BCAS3: variants seen among roughly 807,000 people sequenced by gnomAD.
BCAS3 encodes BCAS4/BCAS3 fusion.
In BCAS3, 53 loss-of-function variants were observed where a neutral mutation model predicts 116.1. The ratio of observed to expected loss-of-function variants is 0.46; its 90% confidence interval spans 0.37 to 0.57. The LOEUF (loss-of-function observed/expected upper bound fraction) is 0.57, where lower values mean the gene tolerates loss of function less well. BCAS3 is among the 20% of genes least tolerant of loss of function. The probability of loss-of-function intolerance (pLI) is 0.00; values close to 1 mark genes in which losing one functional copy is unlikely to be tolerated. For synonymous variants in BCAS3, 391 were observed against 408.2 expected, an observed-to-expected ratio of 0.96 and a Z score of 0.51; for missense variants, 917 against 1,165.4, an observed-to-expected ratio of 0.79 and a Z score of 3.10.
chr17:61,229,039 C>T lies in BCAS3; in HGVS notation c.2426-139288C>T, dbSNP rs141865341. Among the ~76,000 whole-genome samples the T allele has an allele frequency of 7.9e-4, 120 of 152,300 alleles. 1 individual carries two copies. Among genetic ancestry groups the T allele is most frequent in the African/African-American group, 2.8e-3 (115 of 41,566 alleles). ...AGAAGAAAGTAAAACAGCCTTGCTT[C>T]TGAGATGGAGAAAGTTTTAGTTGTC... On this transcript the variant is annotated intron_variant, in intron 22 of 23. Coordinates refer to ENST00000407086, the MANE Select transcript of BCAS3 (RefSeq NM_017679.5). The surrounding 1 kb of genome is among the most constrained non-coding windows in gnomAD (Gnocchi z 4.4).
chr17:61,292,705 G>A (rs1478917203), intron 22 of BCAS3, among the ~76,000 whole-genome samples: 1 of 152,138 alleles, frequency 6.6e-6, no homozygotes, highest in African/African-American at 2.4e-5. Flanking sequence ...TTGGGGGTCA[G>A]GCAGGTGTGG....
intron 9 of BCAS3, among the ~76,000 whole-genome samples, chr17:60,881,691 T>G (rs1446268156): frequency 6.7e-6 from 1 of 149,670 alleles, no homozygotes; most frequent in East Asian, 2.0e-4. Context: ...ATATGCGGTG[T>G]TTGGTTTTTT....
At chr17:61,351,856 C>T (rs1184410491) in intron 22 of BCAS3, among the ~76,000 whole-genome samples, 2 of 152,172 alleles carry the variant, frequency 1.3e-5, no homozygotes, top group African/African-American at 2.4e-5. Context: ...GGTTCATCCT[C>T]CACCACTCGT....
Position 61,362,672 on chromosome 17 carries a change from C to T in BCAS3, c.2426-5655C>T, listed in dbSNP as rs376742925. On this transcript the variant is annotated intron_variant, in intron 22 of 23. Transcript: ENST00000407086. This position sits in a 1 kb window ranked among gnomAD's most constrained non-coding sequence, Gnocchi z 4.4. ...AAACCCAAGAACCTGACCCATTTCT[C>T]CTCTGGGGAAAGAGTATAACACAGG... 3.3e-5 allele frequency: 5 copies of T among 152,344 alleles called. No individual in the cohort carries two copies. The South Asian group carries it at 8.3e-4, about 25-fold the overall frequency. 9.4% of individuals were successfully genotyped at this position (152,344 alleles called of 1,614,324 possible).
In BCAS3 at chr17:61,265,740, C is replaced by T. The variant is rs958601836; in HGVS notation, c.2426-102587C>T. On this transcript the variant is annotated intron_variant, in intron 22 of 23. Transcript: ENST00000407086. The surrounding 1 kb of genome is among the most constrained non-coding windows in gnomAD (Gnocchi z 4.3). ...TATATCTGCCAGGGTTTGTGTGTGT[C>T]ATACTGTCCTGGACTCTGTATAGCA... 6.6e-6 allele frequency among the ~76,000 whole-genome samples: 1 copy of T among 152,018 alleles called. No individual in the cohort carries two copies. Among genetic ancestry groups the T allele is most frequent in the African/African-American group, 2.4e-5 (1 of 41,392 alleles).
chr17:61,190,269 T>C (rs1204446087), intron 22 of BCAS3, among the ~76,000 whole-genome samples: 2 of 152,090 alleles, frequency 1.3e-5, no homozygotes, highest in Non-Finnish European at 2.9e-5. Context: ...CTCACCCCTG[T>C]AATCCTAGCA....
rs960676960 is a variant in BCAS3, at chr17:61,156,926, A to C, written c.2425+72362A>C. Reference sequence around the variant, plus strand: ...TCCTTTGAAACAACACTTAAAAAAAACAAATTCTACAACATTTAAACAGTT... The same window carrying C: ...TCCTTTGAAACAACACTTAAAAAAACCAAATTCTACAACATTTAAACAGTT... On this transcript the variant is annotated intron_variant, in intron 22 of 23. Coordinates refer to ENST00000407086, the MANE Select transcript of BCAS3 (RefSeq NM_017679.5). This position sits in a 1 kb window ranked among gnomAD's most constrained non-coding sequence, Gnocchi z 4.7. Among the ~76,000 whole-genome samples the C allele has an allele frequency of 6.6e-6, 1 of 152,212 alleles. No individual in the cohort carries two copies. The highest frequency in any genetic ancestry group is 2.4e-5 in the African/African-American group (1 of 41,448).
At chr17:60,811,310 T>G (rs1290018468) in intron 7 of BCAS3, 1 of 736,674 alleles carries the variant, frequency 1.4e-6, no homozygotes, top group Non-Finnish European at 2.3e-6. Flanking sequence ...CACCACCTAC[T>G]GTCACCTGCT....
At chr17:60,771,365 C>T (rs996614970) in intron 6 of BCAS3, among the ~76,000 whole-genome samples, 11 of 151,992 alleles carry the variant, frequency 7.2e-5, no homozygotes, top group African/African-American at 2.4e-4. Context: ...CGTAGAAAAG[C>T]CGTTCTCCTA....
rs1568879182 is a variant in BCAS3, at chr17:61,334,680, A to AC, written c.2426-33647_2426-33646insC. 1.1e-4 allele frequency among the ~76,000 whole-genome samples: 16 copies of AC among 151,874 alleles called. 1 individual carries two copies. Among genetic ancestry groups the AC allele is most frequent in the South Asian group, 8.3e-4 (4 of 4,814 alleles). ...ACTCCATCTCAAAAAAAAAAAAAAA[A>AC]AAAAAAAAACACCAAGAAAACGATG... On this transcript the variant is annotated intron_variant, in intron 22 of 23. Coordinates refer to ENST00000407086, the MANE Select transcript of BCAS3 (RefSeq NM_017679.5).
chr17:61,299,542 T>C (rs759460822), intron 22 of BCAS3, among the ~76,000 whole-genome samples: 1 of 152,096 alleles, frequency 6.6e-6, no homozygotes, highest in Non-Finnish European at 1.5e-5. Flanking sequence ...TCATAGCCAT[T>C]TCATAGCATT....
At chr17:60,692,320 C>G (rs956631857) in intron 4 of BCAS3, among the ~76,000 whole-genome samples, 30 of 152,080 alleles carry the variant, frequency 2.0e-4, no homozygotes, top group African/African-American at 6.5e-4. Flanking sequence ...CAGCTCACTG[C>G]AAGCTTCGCC....
rs1333413082 is a variant in BCAS3, at chr17:60,961,848, A to G, written c.1221+14496A>G. ...GGCTTGAGGAAGGCACATCTCACAC[A>G]GCAGTGTGAAAACCCACTCATCATG... On this transcript the variant is annotated intron_variant, in intron 14 of 23. Transcript: ENST00000407086. This position sits in a 1 kb window ranked among gnomAD's most constrained non-coding sequence, Gnocchi z 4.8. 1.3e-5 allele frequency among the ~76,000 whole-genome samples: 2 copies of G among 151,888 alleles called. No individual in the cohort carries two copies. Among genetic ancestry groups the G allele is most frequent in the Non-Finnish European group, 2.9e-5 (2 of 67,954 alleles).
Position 61,065,739 on chromosome 17 carries a change from G to A in BCAS3, c.2030-9181G>A, listed in dbSNP as rs1270985696. Among the ~76,000 whole-genome samples the A allele has an allele frequency of 2.0e-5, 3 of 152,096 alleles. No individual in the cohort carries two copies. Among genetic ancestry groups the A allele is most frequent in the Non-Finnish European group, 4.4e-5 (3 of 67,996 alleles). ...TAGGAGAAAACAAAAACTGTGTCTG[G>A]TCCTGAATCTGAAGAATTCCACTGC... On this transcript the variant is annotated intron_variant, in intron 19 of 23. Coordinates refer to ENST00000407086, the MANE Select transcript of BCAS3 (RefSeq NM_017679.5). The surrounding 1 kb of genome is among the most constrained non-coding windows in gnomAD (Gnocchi z 4.8).
intron 18 of BCAS3, among the ~76,000 whole-genome samples, chr17:61,039,297 A>G (rs373424993): frequency 6.6e-6 from 1 of 152,356 alleles, no homozygotes; most frequent in African/African-American, 2.4e-5. Flanking sequence ...TTATGGCTAC[A>G]TAATACTCCA....
chr17:61,171,904 A>G lies in BCAS3; in HGVS notation c.2425+87340A>G, dbSNP rs1260531784. Among the ~76,000 whole-genome samples the G allele has an allele frequency of 6.6e-6, 1 of 151,976 alleles. No individual in the cohort carries two copies. The highest frequency in any genetic ancestry group is 2.4e-5 in the African/African-American group (1 of 41,344). On this transcript the variant is annotated intron_variant, in intron 22 of 23. Coordinates refer to ENST00000407086, the MANE Select transcript of BCAS3 (RefSeq NM_017679.5). This position sits in a 1 kb window ranked among gnomAD's most constrained non-coding sequence, Gnocchi z 4.1. ...CACCTTGGCCTTCCAAAGTGTTACGATTACCAGTGTGAGCCACCATACCCA... is the reference window on the plus strand; with the variant it reads ...CACCTTGGCCTTCCAAAGTGTTACGGTTACCAGTGTGAGCCACCATACCCA...
In BCAS3 at chr17:61,181,505, A is replaced by G. The variant is rs1052818984; in HGVS notation, c.2425+96941A>G. On this transcript the variant is annotated intron_variant, in intron 22 of 23. Transcript: ENST00000407086. This position sits in a 1 kb window ranked among gnomAD's most constrained non-coding sequence, Gnocchi z 5.0. ...CAGTCTTTTGTGTAGTAACCCAGCCAAAGAGCTTGACTATTTTAATCATTT... is the reference window on the plus strand; with the variant it reads ...CAGTCTTTTGTGTAGTAACCCAGCCGAAGAGCTTGACTATTTTAATCATTT... 2.6e-5 allele frequency among the ~76,000 whole-genome samples: 4 copies of G among 152,210 alleles called. No homozygotes were observed. The highest frequency in any genetic ancestry group is 9.6e-5 in the African/African-American group (4 of 41,452).
At position 61,213,843 on chromosome 17, in the gene BCAS3, G is replaced by T. The variant is rs140768707; in HGVS notation, c.2425+129279G>T. 2.3e-3 allele frequency among the ~76,000 whole-genome samples: 352 copies of T among 152,280 alleles called. 2 individuals carry two copies. The highest frequency in any genetic ancestry group is 8.2e-3 in the African/African-American group (341 of 41,560). On this transcript the variant is annotated intron_variant, in intron 22 of 23. Transcript: ENST00000407086. The surrounding 1 kb of genome is among the most constrained non-coding windows in gnomAD (Gnocchi z 5.4). The stretch of plus-strand genomic sequence containing the variant: ...GATTATAAGGGTAGCAGGCAGGAAA[G>T]AATTTAATGAAATCTTGAACTTTGC...
chr17:60,861,947 T>C (rs1050946547), intron 7 of BCAS3, among the ~76,000 whole-genome samples: 19 of 152,150 alleles, frequency 1.2e-4, no homozygotes. Flanking sequence ...GCCTGAAATT[T>C]TCCTTATTTG....
Sources: allele counts gnomAD v4.1 joint callset (sites outside exome capture counted in the v4.1 genomes callset), GRCh38; gene constraint gnomAD v4.1.1; non-coding constraint Gnocchi (gnomAD v3.1); transcripts MANE v1.5; gene names NCBI Gene and HGNC (gene_info 2026-07-23, HGNC 2026-07-21).